SCFD1: variants seen among roughly 807,000 people sequenced by gnomAD.
SCFD1 encodes sec1 family domain containing 1.
Under a neutral mutation model 103.2 loss-of-function variants are expected in SCFD1, and 37 were observed. The ratio of observed to expected loss-of-function variants is 0.36; its 90% CI spans 0.28 to 0.47. SCFD1 has a LOEUF of 0.47. Among genes scored for constraint, SCFD1 ranks in the 20% least tolerant of loss-of-function variants. The pLI is 1.00. For synonymous variants in SCFD1, 264 were observed against 245.0 expected (o/e 1.08, Z -0.73); for missense variants, 639 against 761.2 (o/e 0.84, Z 1.89).
intron 1 of SCFD1, among the ~76,000 whole-genome samples, chr14:30,625,922 A>G (rs1260006238): frequency 6.6e-6 from 1 of 152,040 alleles, no homozygotes; most frequent in Non-Finnish European, 1.5e-5. Context: ...TGAGGCTCAC[A>G]TGGCAGCTCA....
chr14:30,628,537 C>T lies in SCFD1; in HGVS notation c.132+258C>T, dbSNP rs1326702496. Among the ~76,000 whole-genome samples, 3 of 152,074 alleles carry T rather than the reference C, an allele frequency of 2.0e-5. No individual in the cohort carries two copies. The South Asian group carries it at 6.2e-4, about 31-fold the overall frequency. Reference sequence around the variant, plus strand: ...AGGATGTCACTGATAGGTCTTTTTCCTGGTTGATATTTTGTTCCTTAGCTT... The same window carrying T: ...AGGATGTCACTGATAGGTCTTTTTCTTGGTTGATATTTTGTTCCTTAGCTT... On this transcript the variant is annotated intron_variant, in intron 2 of 24. Transcript: ENST00000458591.
intron 14 of SCFD1, among the ~76,000 whole-genome samples, chr14:30,681,397 A>G (rs912199004): frequency 6.6e-6 from 1 of 152,108 alleles, no homozygotes; most frequent in Non-Finnish European, 1.5e-5. Context: ...CTTGCCATCT[A>G]TAAAGATCAT....
At chr14:30,622,600 GCTTC>G in intron 1 of SCFD1, 1 of 897,974 alleles carries the variant, frequency 1.1e-6, no homozygotes, top group Non-Finnish European at 1.6e-6. Flanking sequence ...AGGAGAAGGA[GCTTC>G]AGCGGTGGGC....
intron 13 of SCFD1, among the ~76,000 whole-genome samples, 156 bp downstream of exon 13, chr14:30,674,153 G>C (rs542155039): frequency 6.6e-6 from 1 of 152,186 alleles, no homozygotes; most frequent in African/African-American, 2.4e-5. Flanking sequence ...TTAGCTAAAT[G>C]TTTAAGCCGA....
intron 5 of SCFD1, 93 bp from the exon 6 acceptor site, chr14:30,639,684 A>T: frequency 4.7e-6 from 6 of 1,287,652 alleles, no homozygotes; most frequent in Non-Finnish European, 6.1e-6. Flanking sequence ...ATTTTTTTTC[A>T]TTTCTACCAT....
intron 15 of SCFD1, among the ~76,000 whole-genome samples, chr14:30,699,102 C>T (rs1351078020): frequency 6.6e-6 from 1 of 152,200 alleles, no homozygotes; most frequent in Non-Finnish European, 1.5e-5. Context: ...TAGGATTTAA[C>T]AGGACCTGGA....
chr14:30,633,308 A>G (rs1884374670), intron 3 of SCFD1, among the ~76,000 whole-genome samples: 1 of 152,190 alleles, frequency 6.6e-6, no homozygotes, highest in Non-Finnish European at 1.5e-5. Context: ...TGATGTTGGG[A>G]TATTTGTATG....
chr14:30,728,838 C>CTTT lies in SCFD1; in HGVS notation c.1837-5936_1837-5934dup, dbSNP rs367747323. Among the ~76,000 whole-genome samples the CTTT allele has an allele frequency of 6.8e-5, 9 of 131,712 alleles. 2 individuals carry two copies. Among genetic ancestry groups the CTTT allele is most frequent in the East Asian group, 4.8e-4 (2 of 4,140 alleles). 86.4% of individuals were successfully genotyped at this position (131,712 alleles called of 152,430 possible). ...AAATGTCTGTTTAGATCCTTTGTCC[C>CTTT]TTTTTTTTTTTTTTTTTTCCCCCCG... is the stretch of plus-strand genomic sequence containing the variant. On this transcript the variant is annotated intron_variant, in intron 23 of 24. Coordinates refer to ENST00000458591, the MANE Select transcript of SCFD1 (RefSeq NM_016106.4).
intron 2 of SCFD1, among the ~76,000 whole-genome samples, chr14:30,629,608 TCGC>T: frequency 6.7e-6 from 1 of 149,134 alleles, no homozygotes; most frequent in African/African-American, 2.5e-5. Flanking sequence ...AGATGGAATC[TCGC>T]TTTGTCGCCA....
intron 1 of SCFD1, among the ~76,000 whole-genome samples, chr14:30,623,889 A>T (rs1883111307): frequency 6.6e-6 from 1 of 152,180 alleles, no homozygotes; most frequent in Admixed American, 6.5e-5. Flanking sequence ...CCTCATGCCT[A>T]TGGAGAATGT....
At chr14:30,629,256 G>A (rs1181281615) in intron 2 of SCFD1, among the ~76,000 whole-genome samples, 2 of 152,118 alleles carry the variant, frequency 1.3e-5, no homozygotes, top group Admixed American at 6.5e-5. Context: ...AAGATGCAAC[G>A]TGAACCTTTT....
intron 22 of SCFD1, 116 bp from the exon 23 acceptor site, chr14:30,722,378 A>G: frequency 1.6e-6 from 1 of 635,310 alleles, no homozygotes; most frequent in South Asian, 2.5e-5. Flanking sequence ...TTAATAATTA[A>G]AATAGCATCA....
chr14:30,705,996 C>A, intron 18 of SCFD1, 111 bp downstream of exon 18: 2 of 778,904 alleles, frequency 2.6e-6, no homozygotes, highest in South Asian at 1.8e-5. Flanking sequence ...TGTCACCATG[C>A]CTTTGGTGAC....
chr14:30,629,254 A>G (rs927133443), intron 2 of SCFD1, among the ~76,000 whole-genome samples: 5 of 152,188 alleles, frequency 3.3e-5, no homozygotes, highest in African/African-American at 4.8e-5. Context: ...GAAAGATGCA[A>G]CGTGAACCTT....
At chr14:30,679,712 T>G (rs554188753) in intron 14 of SCFD1, among the ~76,000 whole-genome samples, 1 of 152,172 alleles carries the variant, frequency 6.6e-6, no homozygotes, top group South Asian at 2.1e-4. Context: ...ATTAACTGAC[T>G]TTGATTAACT....
intron 23 of SCFD1, among the ~76,000 whole-genome samples, chr14:30,725,666 G>A (rs1412695019): frequency 6.6e-6 from 1 of 152,002 alleles, no homozygotes; most frequent in Non-Finnish European, 1.5e-5. Flanking sequence ...TTCCTATTTG[G>A]ATATCTTTTT....
At chr14:30,699,217 C>T (rs1890907429) in intron 15 of SCFD1, among the ~76,000 whole-genome samples, 1 of 152,138 alleles carries the variant, frequency 6.6e-6, no homozygotes, top group South Asian at 2.1e-4. Flanking sequence ...TCTTTGTCAT[C>T]TTCAGGGAGT....
intron 14 of SCFD1, among the ~76,000 whole-genome samples, chr14:30,689,858 C>G (rs1287140515): frequency 7.2e-6 from 1 of 138,848 alleles, no homozygotes; most frequent in Admixed American, 7.5e-5. Flanking sequence ...TGGTGAGGAA[C>G]TGCGTTCCTT....
chr14:30,635,147 T>G, intron 4 of SCFD1: 1 of 358,306 alleles, frequency 2.8e-6, no homozygotes. Flanking sequence ...TGTAGCTTTA[T>G]GATGCCCAGC....
Sources: allele counts gnomAD v4.1 joint callset (sites outside exome capture counted in the v4.1 genomes callset), GRCh38; gene constraint gnomAD v4.1.1; transcripts MANE v1.5; gene names NCBI Gene and HGNC (gene_info 2026-07-23, HGNC 2026-07-21).